The following ANO6 variants were observed in gnomAD, a reference collection of about 807,000 sequenced individuals.
ANO6 encodes anoctamin 6.
Under a neutral mutation model 117.5 loss-of-function variants are expected in ANO6, and 106 were observed. That is an observed-to-expected ratio of 0.90 (90% confidence interval 0.77 to 1.06). The LOEUF (loss-of-function observed/expected upper bound fraction) is 1.06. ANO6 is among the 50% of genes least tolerant of loss of function. ANO6 has a pLI of 0.00. For synonymous variants in ANO6, 367 were observed against 385.1 expected (o/e 0.95, Z 0.55); for missense variants, 955 against 1,121.1 (o/e 0.85, Z 2.12).
At chr12:45,350,572 A>G (rs1941252659) in intron 6 of ANO6, 87 bp from the exon 7 acceptor site, 8 of 1,032,700 alleles carry the variant, frequency 7.7e-6, no homozygotes, top group Admixed American at 1.9e-5. Context: ...TTCACAATTG[A>G]CTATCAAGTA....
intron 1 of ANO6, among the ~76,000 whole-genome samples, chr12:45,232,645 G>T (rs1326151388): frequency 7.2e-5 from 11 of 152,200 alleles, no homozygotes; most frequent in African/African-American, 2.7e-4. Context: ...AGGCTCACAA[G>T]TCCAGTCGTA....
intron 9 of ANO6, among the ~76,000 whole-genome samples, chr12:45,375,382 A>G (rs1480697624): frequency 2.6e-5 from 4 of 152,248 alleles, no homozygotes; most frequent in African/African-American, 9.6e-5. Context: ...ACCAAAAAAG[A>G]GCCCGCATAG....
chr12:45,235,713 C>T (rs1947635105), intron 1 of ANO6, among the ~76,000 whole-genome samples: 1 of 152,146 alleles, frequency 6.6e-6, no homozygotes, highest in Non-Finnish European at 1.5e-5. Flanking sequence ...CAAGAAAAGT[C>T]CCCTAGTCAA....
At chr12:45,275,454 C>T (rs572378673) in intron 1 of ANO6, among the ~76,000 whole-genome samples, 117 of 152,282 alleles carry the variant, frequency 7.7e-4, no homozygotes, top group Middle Eastern at 3.4e-3. Context: ...ATGATCCACA[C>T]GCCTCGACCT....
At chr12:45,424,850 G>T (rs978256866) in intron 19 of ANO6, among the ~76,000 whole-genome samples, 1 of 152,008 alleles carries the variant, frequency 6.6e-6, no homozygotes. Context: ...AAAGAAGTGT[G>T]TATCTTCTCT....
At chr12:45,344,322 G>T (rs1347374470) in intron 3 of ANO6, among the ~76,000 whole-genome samples, 1 of 152,190 alleles carries the variant, frequency 6.6e-6, no homozygotes, top group Admixed American at 6.5e-5. Context: ...CAACAAATAT[G>T]TGTTAGGCAT....
chr12:45,263,119 A>G (rs967503229), intron 1 of ANO6, among the ~76,000 whole-genome samples: 1 of 152,098 alleles, frequency 6.6e-6, no homozygotes, highest in South Asian at 2.1e-4. Flanking sequence ...ATTTGTAGGT[A>G]TAAATATTTG....
intron 19 of ANO6, among the ~76,000 whole-genome samples, chr12:45,424,457 C>A (rs1320046840): frequency 6.6e-6 from 1 of 150,880 alleles, no homozygotes; most frequent in Non-Finnish European, 1.5e-5. Context: ...CCTGCCTCAG[C>A]CTCCCAAGTA....
At chr12:45,433,078 C>T (rs1943666283), downstream of ANO6, among the ~76,000 whole-genome samples, 1 of 152,222 alleles carries the variant, frequency 6.6e-6, no homozygotes, top group African/African-American at 2.4e-5. Context: ...TAACTGACAG[C>T]TTCCCTAATT....
intron 1 of ANO6, among the ~76,000 whole-genome samples, chr12:45,247,880 A>G (rs1947848930): frequency 6.6e-6 from 1 of 152,198 alleles, no homozygotes; most frequent in Admixed American, 6.5e-5. Context: ...GCTTCAACAT[A>G]TACATTTGGA....
chr12:45,384,851 CACAA>C (rs1457356121), intron 10 of ANO6, among the ~76,000 whole-genome samples: 67 of 152,206 alleles, frequency 4.4e-4, no homozygotes, highest in African/African-American at 1.3e-3. Context: ...GTGGGGTTGC[CACAA>C]ACAATCAATT....
chr12:45,243,189 T>G (rs1947771997), intron 1 of ANO6, among the ~76,000 whole-genome samples: 1 of 152,106 alleles, frequency 6.6e-6, no homozygotes, highest in African/African-American at 2.4e-5. Context: ...TGTGGTGGCA[T>G]GCACCTGTAG....
chr12:45,320,414 T>C (rs1940218818), intron 2 of ANO6, among the ~76,000 whole-genome samples: 1 of 152,190 alleles, frequency 6.6e-6, no homozygotes, highest in African/African-American at 2.4e-5. Context: ...TCAGTTTCCA[T>C]GTAGTTGAGC....
At chr12:45,412,059 C>T (rs570588491) in intron 16 of ANO6, among the ~76,000 whole-genome samples, 11 of 152,282 alleles carry the variant, frequency 7.2e-5, no homozygotes, top group Admixed American at 4.6e-4. Context: ...TTGAGTGAAA[C>T]GTTTTTTATT....
At chr12:45,279,490 A>G (rs1253422839) in intron 1 of ANO6, among the ~76,000 whole-genome samples, 2 of 152,222 alleles carry the variant, frequency 1.3e-5, no homozygotes, top group Non-Finnish European at 2.9e-5. Context: ...ATCTTTAAAT[A>G]AAGTTTCACC....
intron 1 of ANO6, among the ~76,000 whole-genome samples, chr12:45,247,118 G>T (rs987958943): frequency 2.0e-5 from 3 of 152,058 alleles, no homozygotes; most frequent in African/African-American, 7.2e-5. Flanking sequence ...TAGAGATGGG[G>T]TTTCACCATG....
chr12:45,314,999 G>T (rs1389868745), intron 2 of ANO6, among the ~76,000 whole-genome samples: 1 of 152,072 alleles, frequency 6.6e-6, no homozygotes, highest in Non-Finnish European at 1.5e-5. Flanking sequence ...ATCTTGGGAA[G>T]TGGGAGGAGA....
intron 8 of ANO6, among the ~76,000 whole-genome samples, chr12:45,361,992 C>A (rs565770614): frequency 6.6e-6 from 1 of 152,032 alleles, no homozygotes; most frequent in Non-Finnish European, 1.5e-5. Context: ...CAGCATAATA[C>A]CAGTCGCATA....
intron 7 of ANO6, among the ~76,000 whole-genome samples, chr12:45,351,799 C>T (rs976823484): frequency 6.6e-6 from 1 of 151,972 alleles, no homozygotes; most frequent in Non-Finnish European, 1.5e-5. Context: ...GCAGGAGCGC[C>T]GAAAAGAGTT....
Sources: allele counts gnomAD v4.1 joint callset (sites outside exome capture counted in the v4.1 genomes callset), GRCh38; gene constraint gnomAD v4.1.1; transcripts MANE v1.5; gene names NCBI Gene and HGNC (gene_info 2026-07-23, HGNC 2026-07-21).